LRRC28: variants seen among roughly 807,000 people sequenced by gnomAD.
LRRC28 encodes leucine rich repeat containing 28.
LRRC28 carries 39 observed loss-of-function variants against 45.7 expected under a neutral mutation model. The ratio of observed to expected loss-of-function variants is 0.85; its 90% CI spans 0.66 to 1.12. The LOEUF (loss-of-function observed/expected upper bound fraction) is 1.12. Among genes scored for constraint, LRRC28 ranks in the 50% most tolerant of loss-of-function variants. LRRC28 has a pLI of 0.00. For synonymous variants in LRRC28, 206 were observed against 178.8 expected (o/e 1.15, Z -1.22); for missense variants, 435 against 438.5 (o/e 0.99, Z 0.07).
chr15:99,308,668 G>A (rs1955284067), intron 5 of LRRC28, among the ~76,000 whole-genome samples: 1 of 152,072 alleles, frequency 6.6e-6, no homozygotes, highest in Middle Eastern at 3.2e-3. Flanking sequence ...GTGGGACCCT[G>A]TCTCCAAAAA....
chr15:99,381,223 G>T (rs1043544931), intron 9 of LRRC28, among the ~76,000 whole-genome samples: 3 of 152,078 alleles, frequency 2.0e-5, no homozygotes, highest in Admixed American at 6.6e-5. Flanking sequence ...TGGAGGCTTT[G>T]TTTGTTTCTT....
At chr15:99,385,929 C>A in intron 9 of LRRC28, 101 bp from the exon 10 acceptor site, 2 of 1,012,982 alleles carry the variant, frequency 2.0e-6, no homozygotes, top group South Asian at 1.3e-5. Flanking sequence ...TTGACCATGG[C>A]TAATCCTCCA....
chr15:99,363,406 C>A, intron 9 of LRRC28, 141 bp downstream of exon 9: 1 of 828,552 alleles, frequency 1.2e-6, no homozygotes. Context: ...CTAAATGAAA[C>A]GATGCTCACT....
intron 9 of LRRC28, among the ~76,000 whole-genome samples, chr15:99,380,997 A>T (rs1182976856): frequency 6.6e-6 from 1 of 152,048 alleles, no homozygotes; most frequent in Non-Finnish European, 1.5e-5. Context: ...GGTGAATCTG[A>T]TAATTATGTA....
At chr15:99,259,374 G>T (rs534840193) in intron 2 of LRRC28, 472 of 1,555,026 alleles carry the variant, frequency 3.0e-4, no homozygotes, top group Non-Finnish European at 4.0e-4. Context: ...GATGGGAAGA[G>T]GTTCCAGAAT....
chr15:99,321,671 T>C (rs1347154602), intron 5 of LRRC28, among the ~76,000 whole-genome samples: 1 of 152,190 alleles, frequency 6.6e-6, no homozygotes, highest in Non-Finnish European at 1.5e-5. Context: ...GTGAGGTTTG[T>C]GTGCAGCTGC....
intron 2 of LRRC28, chr15:99,258,567 GA>G: frequency 2.7e-6 from 2 of 739,866 alleles, no homozygotes; most frequent in Non-Finnish European, 4.9e-6. Flanking sequence ...GGAAGAAGAA[GA>G]AAAACAGAAA....
intron 5 of LRRC28, among the ~76,000 whole-genome samples, chr15:99,290,253 T>C (rs28670507): frequency 0.098 from 14,596 of 148,886 alleles, 913 homozygotes; most frequent in East Asian, 0.3. Flanking sequence ...AGTGAGACCC[T>C]GCCTCAAAAA....
chr15:99,371,968 C>G (rs1957495420), intron 9 of LRRC28, among the ~76,000 whole-genome samples: 1 of 152,180 alleles, frequency 6.6e-6, no homozygotes. Flanking sequence ...TCTGTTTCTG[C>G]ACACAGAATC....
chr15:99,334,260 G>C (rs903054225), intron 6 of LRRC28, 131 bp downstream of exon 6: 8 of 1,000,422 alleles, frequency 8.0e-6, no homozygotes, highest in Middle Eastern at 2.1e-4. Flanking sequence ...GTTTGTTTTT[G>C]CAGTGAACAA....
intron 5 of LRRC28, among the ~76,000 whole-genome samples, chr15:99,307,661 T>C (rs1376340825): frequency 1.3e-5 from 2 of 152,226 alleles, no homozygotes; most frequent in African/African-American, 2.4e-5. Context: ...AGTTTATTTC[T>C]ATCCTCTTAG....
rs945591580 is a variant in LRRC28, at chr15:99,387,896, C to A, written c.*1794C>A. On this transcript the variant is annotated 3_prime_UTR_variant, in exon 10 of 10. Transcript: ENST00000301981. Reference sequence around the variant, plus strand: ...ACATAGTTACTGACAAATGTGTGATCTTTTTACAGTCACAACACCTGCTGC... The same window carrying A: ...ACATAGTTACTGACAAATGTGTGATATTTTTACAGTCACAACACCTGCTGC... 6.6e-6 allele frequency: 1 copy of A among 152,126 alleles called. No homozygotes were observed. The highest frequency in any genetic ancestry group is 2.4e-5 in the African/African-American group (1 of 41,406). The allele number at this position is 152,126 out of a possible 1,614,324, so 9.4% of individuals were successfully genotyped here. A position where few individuals can be genotyped will look rare whatever the true frequency, so the allele number is the denominator to read the frequency against.
chr15:99,307,721 G>A (rs773159145), intron 5 of LRRC28, among the ~76,000 whole-genome samples: 10 of 152,122 alleles, frequency 6.6e-5, no homozygotes, highest in Non-Finnish European at 1.2e-4. Flanking sequence ...CATTAGCCTT[G>A]CCTTTGTTTT....
At chr15:99,299,053 G>A (rs978648287) in intron 5 of LRRC28, among the ~76,000 whole-genome samples, 1 of 152,152 alleles carries the variant, frequency 6.6e-6, no homozygotes, top group African/African-American at 2.4e-5. Context: ...TTTAGATGTG[G>A]CATGGAGTAA....
At chr15:99,263,351 A>AACAT (rs1039664077) in intron 2 of LRRC28, among the ~76,000 whole-genome samples, 1 of 151,924 alleles carries the variant, frequency 6.6e-6, no homozygotes, top group African/African-American at 2.4e-5. Flanking sequence ...GTAGTTAAGA[A>AACAT]ACATGATTTT....
At chr15:99,257,963 A>G (rs931776222) in intron 2 of LRRC28, 1 of 797,818 alleles carries the variant, frequency 1.3e-6, no homozygotes, top group African/African-American at 1.7e-5. Context: ...TTTAGTTAAG[A>G]TAAGGCTGAT....
At chr15:99,357,318 G>A (rs923476028) in intron 7 of LRRC28, among the ~76,000 whole-genome samples, 9 of 152,112 alleles carry the variant, frequency 5.9e-5, no homozygotes, top group African/African-American at 1.9e-4. Context: ...ATGCTCATAT[G>A]TACCAAATAC....
At chr15:99,288,911 G>A (rs777819033) in intron 5 of LRRC28, among the ~76,000 whole-genome samples, 5 of 150,860 alleles carry the variant, frequency 3.3e-5, no homozygotes, top group Non-Finnish European at 5.9e-5. Context: ...AACTCCTGAC[G>A]TCAAGTGATC....
intron 2 of LRRC28, among the ~76,000 whole-genome samples, chr15:99,257,093 A>T (rs149158571): frequency 1.9e-3 from 288 of 152,310 alleles, no homozygotes; most frequent in South Asian, 2.1e-3. Flanking sequence ...GTTTTATTTA[A>T]TCTATGTACA....
Sources: allele counts gnomAD v4.1 joint callset (sites outside exome capture counted in the v4.1 genomes callset), GRCh38; gene constraint gnomAD v4.1.1; transcripts MANE v1.5; gene names NCBI Gene and HGNC (gene_info 2026-07-23, HGNC 2026-07-21).